The following TRIO variants were observed in gnomAD, a reference collection of about 807,000 sequenced individuals.
TRIO encodes the protein triple functional domain protein.
Under a neutral mutation model 351.9 loss-of-function variants are expected in TRIO, and 58 were observed. The ratio of observed to expected loss-of-function variants is 0.16; its 90% confidence interval spans 0.13 to 0.21. The LOEUF (loss-of-function observed/expected upper bound fraction) is 0.21. Among genes scored for constraint, TRIO ranks in the 10% least tolerant of loss-of-function variants. The pLI, the probability that TRIO is intolerant of heterozygous loss-of-function variation, is 1.00. For synonymous variants in TRIO, 1,758 were observed against 1,595.7 expected, an observed-to-expected ratio of 1.10 and a Z score of -2.42; for missense variants, 3,201 against 4,027.8, an observed-to-expected ratio of 0.79 and a Z score of 5.56.
intron 48 of TRIO, among the ~76,000 whole-genome samples, chr5:14,489,982 T>C (rs927908450): frequency 3.3e-5 from 5 of 152,142 alleles, no homozygotes; most frequent in Admixed American, 2.6e-4. Context: ...AATGGGGCTT[T>C]AAAAATGCCC....
intron 7 of TRIO, among the ~76,000 whole-genome samples, chr5:14,297,986 G>A (rs1322520215): frequency 6.6e-6 from 1 of 152,210 alleles, no homozygotes; most frequent in Non-Finnish European, 1.5e-5. Flanking sequence ...TAGTCTTGGG[G>A]TGCACATCCA....
chr5:14,415,062 C>T (rs979295199), intron 33 of TRIO, among the ~76,000 whole-genome samples: 2 of 152,198 alleles, frequency 1.3e-5, no homozygotes, highest in Non-Finnish European at 2.9e-5. Flanking sequence ...TTCACGGAAC[C>T]GCAAGACCCT....
chr5:14,170,690 G>A (rs922525304), intron 1 of TRIO, among the ~76,000 whole-genome samples: 1 of 151,920 alleles, frequency 6.6e-6, no homozygotes, highest in Non-Finnish European at 1.5e-5. Context: ...TACTTTAGTC[G>A]AGACGGGGTT....
At chr5:14,273,962 A>G (rs540749641) in intron 2 of TRIO, among the ~76,000 whole-genome samples, 34 of 152,322 alleles carry the variant, frequency 2.2e-4, no homozygotes, top group Admixed American at 9.8e-4. Context: ...CTATATTTCC[A>G]CTTAGTCTTC....
intron 1 of TRIO, among the ~76,000 whole-genome samples, chr5:14,248,868 ATTAACTTGGACGTGGTACTTCTGGGG>A (rs1794589229): frequency 6.6e-6 from 1 of 152,192 alleles, no homozygotes; most frequent in South Asian, 2.1e-4. Context: ...TAAGGAGTGT[ATTAACTTGGACGTGGTACTTCTGGGG>A]TTTGATTCCA....
At chr5:14,245,630 G>T in intron 1 of TRIO, among the ~76,000 whole-genome samples, 1 of 152,340 alleles carries the variant, frequency 6.6e-6, no homozygotes. Context: ...CTGCAGATCA[G>T]TGGCCTTTGC....
At chr5:14,148,050 A>G (rs1787617572) in intron 1 of TRIO, among the ~76,000 whole-genome samples, 1 of 152,236 alleles carries the variant, frequency 6.6e-6, no homozygotes, top group African/African-American at 2.4e-5. Flanking sequence ...CATCACTGAA[A>G]GAAGCTTTTC....
chr5:14,443,210 A>G (rs1205633319), intron 34 of TRIO, among the ~76,000 whole-genome samples: 1 of 152,168 alleles, frequency 6.6e-6, no homozygotes, highest in African/African-American at 2.4e-5. Context: ...TCACCTCAGA[A>G]TTTTTAAGCT....
At chr5:14,490,894 C>T in intron 48 of TRIO, 2 of 455,444 alleles carry the variant, frequency 4.4e-6, no homozygotes, top group Non-Finnish European at 4.4e-6. Flanking sequence ...CCATATAAGT[C>T]AGAATACTAA....
intron 40 of TRIO, among the ~76,000 whole-genome samples, chr5:14,475,282 T>C (rs933735826): frequency 1.1e-4 from 17 of 152,226 alleles, no homozygotes; most frequent in African/African-American, 4.1e-4. Flanking sequence ...TTGATGCAAC[T>C]GCTCCTCCCT....
At chr5:14,152,630 A>C (rs1042305484) in intron 1 of TRIO, among the ~76,000 whole-genome samples, 15 of 152,322 alleles carry the variant, frequency 9.8e-5, no homozygotes, top group African/African-American at 2.9e-4. Flanking sequence ...TTGGGCTCCC[A>C]AAGTGCTGGG....
chr5:14,502,303 G>A (rs991802604), intron 53 of TRIO, among the ~76,000 whole-genome samples: 1 of 152,172 alleles, frequency 6.6e-6, no homozygotes, highest in African/African-American at 2.4e-5. Flanking sequence ...TTACTAACAT[G>A]TATTTAATTT....
chr5:14,293,397 T>C (rs967295118), intron 6 of TRIO, among the ~76,000 whole-genome samples: 1 of 152,156 alleles, frequency 6.6e-6, no homozygotes, highest in African/African-American at 2.4e-5. Flanking sequence ...GCACAGACAC[T>C]TGGGATGCTG....
intron 1 of TRIO, among the ~76,000 whole-genome samples, chr5:14,181,527 G>A (rs991883838): frequency 2.0e-5 from 3 of 152,200 alleles, no homozygotes; most frequent in African/African-American, 2.4e-5. Flanking sequence ...GCAGATGGTC[G>A]TGGGCAGGCC....
chr5:14,487,785 G>A lies in TRIO; in HGVS notation c.7157G>A (p.Gly2386Asp). 6 of 1,376,008 alleles carry A rather than the reference G, an allele frequency of 4.4e-6. No individual in the cohort carries two copies. The highest frequency in any genetic ancestry group is 4.7e-6 in the Non-Finnish European group (5 of 1,063,392). The allele number at this position is 1,376,008 out of a possible 1,614,324, so 85.2% of individuals were successfully genotyped here. The change falls in exon 48 of 57, where the codon GGC becomes GAC. Residue 2386 changes from glycine (G) to aspartate (D), a missense_variant. Transcript: ENST00000344204. The stretch of plus-strand genomic sequence containing the variant: ...CCCCCTGGCGCGGCCCCCGAGGCCG[G>A]CCCCAGCGCGCCCAGCAGGCGGCCC... ...LPPPGAAPEA[G>D]PSAPSRRPPG...
intron 11 of TRIO, among the ~76,000 whole-genome samples, chr5:14,356,654 T>C (rs1375252442): frequency 1.3e-5 from 2 of 152,214 alleles, no homozygotes; most frequent in Non-Finnish European, 2.9e-5. Flanking sequence ...CATAAGTTCA[T>C]ACAGAGGTTG....
At chr5:14,278,410 G>A (rs375060776) in intron 2 of TRIO, among the ~76,000 whole-genome samples, 20 of 152,272 alleles carry the variant, frequency 1.3e-4, no homozygotes, top group African/African-American at 4.3e-4. Flanking sequence ...TGTCATGTGG[G>A]TCCCTATGGA....
At chr5:14,455,705 GT>G (rs1753239360) in intron 34 of TRIO, among the ~76,000 whole-genome samples, 1 of 152,196 alleles carries the variant, frequency 6.6e-6, no homozygotes, top group African/African-American at 2.4e-5. Flanking sequence ...TAGATACAGA[GT>G]GCTGATTGGT....
chr5:14,419,633 GAGTGCAGTGATCAC>G, intron 33 of TRIO, 131 bp from the exon 34 acceptor site: 1 of 1,016,116 alleles, frequency 9.8e-7, no homozygotes, highest in Non-Finnish European at 1.4e-6. Context: ...TTCATACGGA[GAGTGCAGTGATCAC>G]ACAACCTCGG....
Sources: allele counts gnomAD v4.1 joint callset (sites outside exome capture counted in the v4.1 genomes callset), GRCh38; gene constraint gnomAD v4.1.1; transcripts MANE v1.5; gene names NCBI Gene and HGNC (gene_info 2026-07-23, HGNC 2026-07-21).